Variants in SMO observed in about 807,000 individuals in gnomAD.
The protein encoded by SMO is smoothened, frizzled class receptor.
In SMO, 40 loss-of-function variants were observed where a neutral mutation model predicts 81.6. The observed-to-expected ratio is 0.49, with a 90% CI of 0.38 to 0.64. SMO has a LOEUF of 0.64. Ranked by LOEUF, SMO falls within the 30% of genes least tolerant of loss-of-function variation. SMO has a pLI of 0.00. For synonymous variants in SMO, 434 were observed against 432.1 expected (o/e 1.00, Z -0.05); for missense variants, 916 against 1,061.1 (o/e 0.86, Z 1.90).
chr7:129,201,950 G>A (rs1793677871), intron 1 of SMO, among the ~76,000 whole-genome samples: 1 of 152,114 alleles, frequency 6.6e-6, no homozygotes, highest in Admixed American at 6.5e-5. Flanking sequence ...CAAAGTGCTG[G>A]GATTACAGGT....
At chr7:129,205,178 C>A in intron 2 of SMO, 25 bp from the exon 3 acceptor site, 3 of 1,607,518 alleles carry the variant, frequency 1.9e-6, no homozygotes, top group South Asian at 1.1e-5. Flanking sequence ...GCCTTGACAC[C>A]GTCTTTTCCC....
rs2150638216 is a variant in SMO, at chr7:129,189,351, C to T, written c.200C>T (p.Ala67Val). ...CCGCCGCTGAGCCACTGCGGCCGGG[C>T]TGCCCCCTGCGAGCCGCTGCGCTAC... ...PPPPLSHCGR[A>V]APCEPLRYNV... Residue 67 changes from alanine to valine, a missense_variant, in exon 1 of 12, where the codon GCT becomes GTT. Physicochemically the swap from Ala to Val is moderately conservative, Grantham distance 64. This residue lies in a region of SMO where 146 missense variants were observed against 149.9 expected (regional missense o/e 0.97). Transcript: ENST00000249373. This position sits in a 1 kb window ranked among gnomAD's most constrained non-coding sequence, Gnocchi z 4.7. The T allele has an allele frequency of 6.5e-7, 1 of 1,527,862 alleles. No individual in the cohort carries two copies. The highest frequency in any genetic ancestry group is 8.7e-7 in the Non-Finnish European group (1 of 1,143,690). The allele number at this position is 1,527,862 out of a possible 1,614,324, so 94.6% of individuals were successfully genotyped here.
chr7:129,192,101 C>T (rs915973886), intron 1 of SMO, among the ~76,000 whole-genome samples: 3 of 151,878 alleles, frequency 2.0e-5, no homozygotes, highest in Admixed American at 1.3e-4. Flanking sequence ...GTGAAAGGTA[C>T]TGTGGCATTT....
chr7:129,202,346 CCT>C (rs1254765342), intron 1 of SMO, among the ~76,000 whole-genome samples: 5 of 152,160 alleles, frequency 3.3e-5, no homozygotes, highest in Admixed American at 6.5e-5. Context: ...ATGCCCCTTA[CCT>C]CTCTACTATG....
intron 1 of SMO, among the ~76,000 whole-genome samples, chr7:129,191,226 T>TA (rs1397850394): frequency 6.6e-6 from 1 of 152,248 alleles, no homozygotes; most frequent in Non-Finnish European, 1.5e-5. Flanking sequence ...TCTGTGTAGT[T>TA]ACCATCAGAT....
intron 3 of SMO, 54 bp downstream of exon 3, chr7:129,205,466 G>A (rs2150648713): frequency 1.9e-6 from 3 of 1,576,532 alleles, no homozygotes; most frequent in East Asian, 2.3e-5. Flanking sequence ...CGTGGGAAGA[G>A]AGCCAGAGGG....
chr7:129,207,205 C>T (rs1793787698), intron 6 of SMO, among the ~76,000 whole-genome samples: 1 of 152,178 alleles, frequency 6.6e-6, no homozygotes, highest in African/African-American at 2.4e-5. Context: ...GGCCGGTGCA[C>T]TTGTGTGATG....
chr7:129,190,054 A>G (rs1793459785), intron 1 of SMO, among the ~76,000 whole-genome samples: 1 of 152,176 alleles, frequency 6.6e-6, no homozygotes, highest in South Asian at 2.1e-4. Flanking sequence ...AAGCCTAGAG[A>G]ACTGTGATCT....
Position 129,205,202 on chromosome 7 carries a change from GA to G in SMO, c.539del (p.Asn180MetfsTer122), listed in dbSNP as rs1261417481. 1 of 1,614,026 alleles carries G rather than the reference GA, an allele frequency of 6.2e-7. No homozygotes were observed. The highest frequency in any genetic ancestry group is 8.5e-7 in the Non-Finnish European group (1 of 1,179,906). ...CCGTCTTTTCCCATCCCTGGTGCCA[GA>G]ATGAGGTGCAGAACATCAAGTTCAA... The part of the protein sequence containing the change: ...TPDRFPEGCT[N>X]EVQNIKFNSS... On this transcript the variant is annotated frameshift_variant and splice_region_variant, in exon 3 of 12. Transcript: ENST00000249373. LOFTEE classifies it high-confidence loss of function.
rs767938975 is a variant in SMO at position 129,189,354 on chromosome 7, C to G, written c.203C>G (p.Ala68Gly). ...CCGCTGAGCCACTGCGGCCGGGCTG[C>G]CCCCTGCGAGCCGCTGCGCTACAAC... ...PPPLSHCGRAAPCEPLRYNVC... is the reference protein window; with the variant it reads ...PPPLSHCGRAGPCEPLRYNVC... The change falls in exon 1 of 12, where the codon GCC (alanine) becomes GGC (glycine). Residue 68 changes from alanine to glycine, a missense_variant. Physicochemically the swap from Ala to Gly is moderately conservative, Grantham distance 60. This residue lies in a region of SMO where 146 missense variants were observed against 149.9 expected (regional missense o/e 0.97). Transcript: ENST00000249373. This position sits in a 1 kb window ranked among gnomAD's most constrained non-coding sequence, Gnocchi z 4.7. 1.7e-4 allele frequency: 261 copies of G among 1,528,424 alleles called. 1 individual carries two copies. The highest frequency in any genetic ancestry group is 5.7e-4 in the Admixed American group (29 of 50,698). The allele number at this position is 1,528,424 out of a possible 1,614,324, so 94.7% of individuals were successfully genotyped here. A position where few individuals can be genotyped will look rare whatever the true frequency, so the allele number is the denominator to read the frequency against.
intron 2 of SMO, among the ~76,000 whole-genome samples, chr7:129,204,265 G>A (rs745568932): frequency 5.9e-5 from 9 of 152,144 alleles, no homozygotes; most frequent in Non-Finnish European, 1.0e-4. Context: ...CCCGGGAGGT[G>A]GAAGTTGCAG....
Position 129,194,784 on chromosome 7 carries a change from T to G in SMO, c.331+5302T>G, listed in dbSNP as rs546714043. Among the ~76,000 whole-genome samples the G allele has an allele frequency of 1.4e-4, 21 of 151,146 alleles. No individual in the cohort carries two copies. In the South Asian group the frequency reaches 4.4e-3, roughly 32 times the overall value. On this transcript the variant is annotated intron_variant, in intron 1 of 11. Coordinates refer to ENST00000249373, the MANE Select transcript of SMO (RefSeq NM_005631.5). ...CTTATTTCTTTTTTGCTTGTTTATT[T>G]GTTTGTTTTTGTTTTTTTGAGACAG... is the stretch of plus-strand genomic sequence containing the variant.
intron 1 of SMO, among the ~76,000 whole-genome samples, chr7:129,196,235 C>T (rs1189896075): frequency 6.6e-6 from 1 of 151,340 alleles, no homozygotes; most frequent in Non-Finnish European, 1.5e-5. Context: ...TCATGGACCT[C>T]TGAATTTTTC....
chr7:129,194,117 T>A (rs1793531375), intron 1 of SMO, among the ~76,000 whole-genome samples: 1 of 151,546 alleles, frequency 6.6e-6, no homozygotes, highest in Admixed American at 6.6e-5. Flanking sequence ...CATACATACA[T>A]ATAGATATGT....
intron 1 of SMO, among the ~76,000 whole-genome samples, chr7:129,196,303 G>A (rs1793577456): frequency 6.9e-6 from 1 of 145,506 alleles, no homozygotes; most frequent in Non-Finnish European, 1.5e-5. Context: ...TCACTATCTA[G>A]TAGAGAGTCT....
chr7:129,203,342 A>T, intron 1 of SMO, 42 bp from the exon 2 acceptor site: 1 of 1,450,110 alleles, frequency 6.9e-7, no homozygotes. Flanking sequence ...TGTGGGTCAG[A>T]GTGAGGAGGG....
Position 129,201,757 on chromosome 7 carries a change from C to T in SMO, c.332-1627C>T, listed in dbSNP as rs1216808234. Among the ~76,000 whole-genome samples, 5 of 152,056 alleles carry T rather than the reference C, an allele frequency of 3.3e-5. No individual in the cohort carries two copies. In the South Asian group the frequency reaches 6.3e-4, roughly 19 times the overall value. On this transcript the variant is annotated intron_variant, in intron 1 of 11. Coordinates refer to ENST00000249373, the MANE Select transcript of SMO (RefSeq NM_005631.5). ...GTGCAGTGGCGCCATCTCAGCCCAC[C>T]GCAACCTCCACCTCCTAGGTTCAAG...
At chr7:129,196,356 T>TG (rs1563146555) in intron 1 of SMO, among the ~76,000 whole-genome samples, 5 of 150,972 alleles carry the variant, frequency 3.3e-5, no homozygotes, top group African/African-American at 9.7e-5. Context: ...TGTGTGTGTG[T>TG]TTTAATAGAG....
At chr7:129,198,456 A>G (rs979461198) in intron 1 of SMO, among the ~76,000 whole-genome samples, 3 of 152,192 alleles carry the variant, frequency 2.0e-5, no homozygotes, top group African/African-American at 4.8e-5. Context: ...CTACCGCCCA[A>G]CCAGTACCAT....
Sources: gnomAD v4.1 joint callset for allele counts (sites outside exome capture counted in the v4.1 genomes callset) on GRCh38, gnomAD v4.1.1 for gene constraint, gnomAD v4.1.1 regional missense constraint, Gnocchi (gnomAD v3.1) non-coding constraint, MANE v1.5 for transcripts, NCBI Gene and HGNC (gene_info 2026-07-23, HGNC 2026-07-21) for gene names.